Variants in FTO observed in about 807,000 individuals in gnomAD.
FTO encodes the protein alpha-ketoglutarate-dependent dioxygenase FTO.
FTO carries 47 observed loss-of-function variants against 63.9 expected under a neutral mutation model. The ratio of observed to expected loss-of-function variants is 0.74; its 90% CI spans 0.58 to 0.94. FTO has a LOEUF of 0.94. FTO is among the 40% of genes least tolerant of loss of function. The pLI, the probability that FTO is intolerant of heterozygous loss-of-function variation, is 0.00. For synonymous variants in FTO, 207 were observed against 224.4 expected (o/e 0.92, Z 0.69); for missense variants, 562 against 618.1 (o/e 0.91, Z 0.96).
At chr16:53,856,730 A>T (rs2080010720) in intron 4 of FTO, among the ~76,000 whole-genome samples, 1 of 151,358 alleles carries the variant, frequency 6.6e-6, no homozygotes, top group South Asian at 2.1e-4. Context: ...AGCCTGGGTG[A>T]CAGAGCCAGA....
In FTO at chr16:54,076,078, C is replaced by A. The variant is rs139559287; in HGVS notation, c.1365-35684C>A. Among the ~76,000 whole-genome samples the A allele has an allele frequency of 1.5e-3, 226 of 152,248 alleles. 2 individuals are homozygous for A. Among genetic ancestry groups the A allele is most frequent in the Non-Finnish European group, 3.7e-4 (25 of 68,024 alleles). ...GACAAGCAGGACTTAACATCAATAT[C>A]CCTCTTCCTGATAATCTGTATACTC... On this transcript the variant is annotated intron_variant, in intron 8 of 8. Transcript: ENST00000471389.
chr16:53,870,081 C>T (rs1464783279), intron 4 of FTO, among the ~76,000 whole-genome samples: 1 of 152,122 alleles, frequency 6.6e-6, no homozygotes, highest in African/African-American at 2.4e-5. Context: ...ACAAGTGCTT[C>T]TCATTTTCTT....
At chr16:54,050,640 C>T (rs560940178) in intron 8 of FTO, among the ~76,000 whole-genome samples, 247 of 152,226 alleles carry the variant, frequency 1.6e-3, no homozygotes, top group Non-Finnish European at 3.0e-3. Flanking sequence ...CAAGGGTTTA[C>T]GTTTCCTCCC....
intron 8 of FTO, among the ~76,000 whole-genome samples, chr16:53,980,094 TAAG>T (rs1428050424): frequency 2.6e-5 from 4 of 152,290 alleles, no homozygotes; most frequent in African/African-American, 4.8e-5. Context: ...TGAATCAAAA[TAAG>T]AAGAAGGTAG....
At chr16:54,111,653 C>A in intron 8 of FTO, 109 bp from the exon 9 acceptor site, 1 of 1,173,586 alleles carries the variant, frequency 8.5e-7, no homozygotes, top group Middle Eastern at 2.2e-4. Context: ...ACCTTCACCC[C>A]CGAGGACTGT....
intron 1 of FTO, among the ~76,000 whole-genome samples, chr16:53,757,700 C>T (rs1293325856): frequency 1.3e-5 from 2 of 152,050 alleles, no homozygotes; most frequent in South Asian, 2.1e-4. Context: ...TATGATTTAC[C>T]TGATTTGGTG....
chr16:53,905,228 G>A (rs1355747160), intron 7 of FTO, among the ~76,000 whole-genome samples: 1 of 152,074 alleles, frequency 6.6e-6, no homozygotes, highest in Non-Finnish European at 1.5e-5. Flanking sequence ...GAAGTGGTCA[G>A]GCTTAGATAT....
intron 1 of FTO, among the ~76,000 whole-genome samples, chr16:53,794,367 A>T: frequency 6.6e-6 from 1 of 152,224 alleles, no homozygotes; most frequent in East Asian, 1.9e-4. Context: ...GCTTACAGAC[A>T]AGATAGTGTT....
intron 8 of FTO, among the ~76,000 whole-genome samples, chr16:54,020,599 T>C (rs993380617): frequency 1.4e-4 from 21 of 152,154 alleles, no homozygotes; most frequent in Non-Finnish European, 2.8e-4. Context: ...AACAGAACGC[T>C]GTTTCAGAAA....
intron 1 of FTO, among the ~76,000 whole-genome samples, chr16:53,806,023 C>T (rs1377061352): frequency 6.6e-6 from 1 of 152,212 alleles, no homozygotes; most frequent in Admixed American, 6.5e-5. Flanking sequence ...CAGCAGTTAG[C>T]CAGATCTGAC....
At chr16:53,771,622 C>T (rs141680066) in intron 1 of FTO, among the ~76,000 whole-genome samples, 4 of 152,164 alleles carry the variant, frequency 2.6e-5, no homozygotes, top group African/African-American at 9.6e-5. Flanking sequence ...CTCCTAGTTA[C>T]CCAAGAGAAA....
At position 53,826,272 on chromosome 16, in the gene FTO, A is replaced by G. The variant is rs1407999347; in HGVS notation, c.532A>G (p.Arg178Gly). ...VPLCMSADFP[R>G]VGMGSSYNGQ... Reference sequence around the variant, plus strand: ...ATTGTGTATGTCTGCAGATTTCCCCAGGGTTGGGATGGGTTCATCCTACAA... The same window carrying G: ...ATTGTGTATGTCTGCAGATTTCCCCGGGGTTGGGATGGGTTCATCCTACAA... Residue 178 changes from arginine to glycine, a missense_variant, in exon 3 of 9, where the codon AGG (arginine) becomes GGG (glycine). Arg to Gly is a moderately radical substitution (Grantham distance 125, BLOSUM62 -2). Transcript: ENST00000471389. 3.7e-6 allele frequency: 6 copies of G among 1,614,210 alleles called. No individual in the cohort carries two copies. The highest frequency in any genetic ancestry group is 4.2e-6 in the Non-Finnish European group (5 of 1,180,030).
At chr16:53,786,850 G>A (rs980820659) in intron 1 of FTO, among the ~76,000 whole-genome samples, 1 of 151,916 alleles carries the variant, frequency 6.6e-6, no homozygotes, top group Non-Finnish European at 1.5e-5. Flanking sequence ...AGTGGCTCAC[G>A]CCTGTGTTTC....
intron 8 of FTO, among the ~76,000 whole-genome samples, chr16:54,001,340 T>C (rs980898306): frequency 6.6e-6 from 1 of 152,202 alleles, no homozygotes; most frequent in Admixed American, 6.5e-5. Flanking sequence ...AGTCAGGAAG[T>C]CTGTGCATGC....
intron 1 of FTO, among the ~76,000 whole-genome samples, chr16:53,742,208 C>A (rs2076544265): frequency 6.6e-6 from 1 of 151,982 alleles, no homozygotes; most frequent in Non-Finnish European, 1.5e-5. Flanking sequence ...TATTGAGGGT[C>A]TTCTTGGAGG....
intron 8 of FTO, among the ~76,000 whole-genome samples, chr16:54,076,070 A>G (rs1238280410): frequency 1.3e-5 from 2 of 152,156 alleles, no homozygotes; most frequent in African/African-American, 4.8e-5. Context: ...AGGACTTAAC[A>G]TCAATATCCC....
chr16:54,028,687 A>G (rs1227578503), intron 8 of FTO, among the ~76,000 whole-genome samples: 2 of 152,218 alleles, frequency 1.3e-5, no homozygotes, highest in African/African-American at 4.8e-5. Flanking sequence ...AATGAAAGCT[A>G]GTGATGTAGA....
chr16:54,078,380 AAAT>A (rs1333663507), intron 8 of FTO, among the ~76,000 whole-genome samples: 3 of 147,448 alleles, frequency 2.0e-5, no homozygotes, highest in African/African-American at 4.9e-5. Context: ...TATATTAGTA[AAAT>A]AATAAATATA....
intron 8 of FTO, among the ~76,000 whole-genome samples, chr16:54,099,614 A>G (rs1270568952): frequency 3.3e-5 from 5 of 152,202 alleles, no homozygotes; most frequent in African/African-American, 1.2e-4. Flanking sequence ...TTCGGCTGTC[A>G]AGATAGCCCA....
Sources: allele counts gnomAD v4.1 joint callset (sites outside exome capture counted in the v4.1 genomes callset), GRCh38; gene constraint gnomAD v4.1.1; transcripts MANE v1.5; gene names NCBI Gene and HGNC (gene_info 2026-07-23, HGNC 2026-07-21).